Variants in BCAS3 observed in about 807,000 individuals in gnomAD.
BCAS3 encodes BCAS4/BCAS3 fusion.
BCAS3 carries 53 observed loss-of-function variants against 116.1 expected under a neutral mutation model. The observed-to-expected ratio is 0.46, with a 90% confidence interval of 0.37 to 0.57. The LOEUF (loss-of-function observed/expected upper bound fraction) is 0.57, where lower values mean the gene tolerates loss of function less well. BCAS3 is among the 20% of genes least tolerant of loss of function. BCAS3 has a pLI of 0.00. For synonymous variants in BCAS3, 391 were observed against 408.2 expected, an observed-to-expected ratio of 0.96 and a Z score of 0.51; for missense variants, 917 against 1,165.4, an observed-to-expected ratio of 0.79 and a Z score of 3.10.
intron 6 of BCAS3, among the ~76,000 whole-genome samples, chr17:60,799,322 A>T (rs570425166): frequency 4.6e-5 from 7 of 152,222 alleles, no homozygotes; most frequent in African/African-American, 1.7e-4. Context: ...TTGTGTGTAC[A>T]TAATTCCATG....
Position 61,129,004 on chromosome 17 carries a change from T to C in BCAS3, c.2425+44440T>C, listed in dbSNP as rs543773875. ...CAGAGAGATTTAGTTTGGCAGCTGA[T>C]CCAGCCAAGGAAACGCTCACGCAAG... On this transcript the variant is annotated intron_variant, in intron 22 of 23. Coordinates refer to ENST00000407086, the MANE Select transcript of BCAS3 (RefSeq NM_017679.5). Among the ~76,000 whole-genome samples the C allele has an allele frequency of 9.8e-5, 15 of 152,316 alleles. No individual in the cohort carries two copies. In the East Asian group the frequency reaches 1.7e-3, roughly 18 times the overall value.
intron 19 of BCAS3, chr17:61,069,910 A>G (rs747951160): frequency 8.2e-6 from 12 of 1,460,228 alleles, no homozygotes; most frequent in South Asian, 4.5e-5. Flanking sequence ...TGCCCCTCCT[A>G]AAGCCGAAGC....
intron 23 of BCAS3, among the ~76,000 whole-genome samples, chr17:61,373,262 T>C (rs2059143361): frequency 6.6e-6 from 1 of 151,988 alleles, no homozygotes; most frequent in Non-Finnish European, 1.5e-5. Context: ...CTAATTTTTG[T>C]ATTTTTTAGT....
chr17:61,176,865 A>G (rs1048044929), intron 22 of BCAS3, among the ~76,000 whole-genome samples: 2 of 152,308 alleles, frequency 1.3e-5, no homozygotes, highest in Admixed American at 6.5e-5. Context: ...TCTGGCCTCA[A>G]TCTTTTATTT....
chr17:61,027,337 G>A, intron 16 of BCAS3: 1 of 447,492 alleles, frequency 2.2e-6, no homozygotes, highest in Non-Finnish European at 4.4e-6. Context: ...TAAAGTTTTT[G>A]TTGCATTTTA....
intron 22 of BCAS3, among the ~76,000 whole-genome samples, chr17:61,340,052 A>C (rs1402044447): frequency 6.6e-6 from 1 of 152,180 alleles, no homozygotes; most frequent in African/African-American, 2.4e-5. Context: ...TTCAGTACAG[A>C]GAGGGGGCAA....
chr17:60,853,982 T>C (rs1264355201), intron 7 of BCAS3, among the ~76,000 whole-genome samples: 1 of 152,086 alleles, frequency 6.6e-6, no homozygotes, highest in Non-Finnish European at 1.5e-5. Flanking sequence ...ACACACGCCA[T>C]GTTGGTGTGC....
intron 22 of BCAS3, among the ~76,000 whole-genome samples, chr17:61,277,203 C>T (rs1053167398): frequency 2.2e-5 from 3 of 138,614 alleles, no homozygotes; most frequent in African/African-American, 5.3e-5. Context: ...TTCAAGGTTG[C>T]AGTGAGCTGT....
chr17:61,018,640 A>G lies in BCAS3; in HGVS notation c.1637+2739A>G, dbSNP rs145829724. ...GATCAACTTATTTGCTTTATCATTC[A>G]TATTCTCTCCCTCTGCCTGCATAAA... is the stretch of plus-strand genomic sequence containing the variant. On this transcript the variant is annotated intron_variant, in intron 16 of 23. Coordinates refer to ENST00000407086, the MANE Select transcript of BCAS3 (RefSeq NM_017679.5). 8.9e-4 allele frequency among the ~76,000 whole-genome samples: 135 copies of G among 152,146 alleles called. 1 individual carries two copies. The East Asian group carries it at 0.021, about 24-fold the overall frequency.
chr17:61,125,269 G>C (rs2075992602), intron 22 of BCAS3, among the ~76,000 whole-genome samples: 1 of 152,220 alleles, frequency 6.6e-6, no homozygotes, highest in Non-Finnish European at 1.5e-5. Context: ...ATATGTCCTT[G>C]TATTCAGATA....
chr17:60,807,914 C>T, intron 6 of BCAS3, 90 bp from the exon 7 acceptor site: 1 of 878,986 alleles, frequency 1.1e-6, no homozygotes, highest in South Asian at 1.7e-5. Context: ...GAATACTTCT[C>T]CTTTTCAAGT....
At chr17:60,965,138 C>T (rs1227435626) in intron 14 of BCAS3, among the ~76,000 whole-genome samples, 1 of 151,306 alleles carries the variant, frequency 6.6e-6, no homozygotes, top group Non-Finnish European at 1.5e-5. Context: ...CATTTGAAGC[C>T]TTTCATTTTT....
chr17:60,778,169 A>G (rs770319017), intron 6 of BCAS3, among the ~76,000 whole-genome samples: 18 of 151,656 alleles, frequency 1.2e-4, no homozygotes, highest in Non-Finnish European at 2.5e-4. Context: ...AAGTCCAATT[A>G]TCTTTTTTTT....
intron 15 of BCAS3, among the ~76,000 whole-genome samples, chr17:61,010,060 G>A (rs1234593240): frequency 2.0e-5 from 3 of 146,764 alleles, no homozygotes; most frequent in Non-Finnish European, 4.5e-5. Context: ...GGAGTTTTCA[G>A]ACTCTGTCTT....
At chr17:60,709,769 A>G (rs766563401) in intron 5 of BCAS3, among the ~76,000 whole-genome samples, 1 of 152,140 alleles carries the variant, frequency 6.6e-6, no homozygotes. Flanking sequence ...TAATTTTGAT[A>G]TATGTTTTAC....
intron 13 of BCAS3, among the ~76,000 whole-genome samples, chr17:60,941,191 C>G (rs151002279): frequency 1.5e-4 from 23 of 152,180 alleles, no homozygotes; most frequent in African/African-American, 3.1e-4. Context: ...GCTAATCACT[C>G]TAGGCTTCCG....
chr17:61,091,542 A>G (rs982137367), intron 22 of BCAS3, among the ~76,000 whole-genome samples: 1 of 152,216 alleles, frequency 6.6e-6, no homozygotes, highest in Non-Finnish European at 1.5e-5. Flanking sequence ...TATAGGTGCC[A>G]TCTATAAACT....
At chr17:61,148,850 G>C (rs1404331029) in intron 22 of BCAS3, among the ~76,000 whole-genome samples, 2 of 152,170 alleles carry the variant, frequency 1.3e-5, no homozygotes, top group Non-Finnish European at 2.9e-5. Context: ...GTACTGTTTG[G>C]TTAAAGCCAG....
chr17:60,946,443 G>A (rs1254180431), intron 13 of BCAS3, among the ~76,000 whole-genome samples: 1 of 152,118 alleles, frequency 6.6e-6, no homozygotes, highest in African/African-American at 2.4e-5. Context: ...TCAAAATTAA[G>A]AACTTTCTCT....
Sources: allele counts gnomAD v4.1 joint callset (sites outside exome capture counted in the v4.1 genomes callset), GRCh38; gene constraint gnomAD v4.1.1; transcripts MANE v1.5; gene names NCBI Gene and HGNC (gene_info 2026-07-23, HGNC 2026-07-21).